Variants in H1-8 observed in about 807,000 individuals in gnomAD.
H1-8 encodes the protein H1.8 linker histone.
H1-8 carries 13 observed loss-of-function variants against 19.5 expected under a neutral mutation model. The ratio of observed to expected loss-of-function variants is 0.67; its 90% confidence interval spans 0.43 to 1.06. The LOEUF (loss-of-function observed/expected upper bound fraction) is 1.06. Among genes scored for constraint, H1-8 ranks in the 50% least tolerant of loss-of-function variants. The probability of loss-of-function intolerance (pLI) is 0.00; values close to 1 mark genes in which losing one functional copy is unlikely to be tolerated. For synonymous variants in H1-8, 193 were observed against 187.6 expected (o/e 1.03, Z -0.24); for missense variants, 432 against 459.8 (o/e 0.94, Z 0.55).
intron 1 of H1-8, among the ~76,000 whole-genome samples, chr3:129,546,346 T>C (rs943611103): frequency 1.3e-5 from 2 of 151,942 alleles, no homozygotes; most frequent in African/African-American, 4.8e-5. Context: ...CAAAAAACTT[T>C]CAAATGGATA....
chr3:129,549,724 C>T (rs192794958), intron 3 of H1-8, among the ~76,000 whole-genome samples: 444 of 152,016 alleles, frequency 2.9e-3, no homozygotes, highest in African/African-American at 0.01. Flanking sequence ...GAGGCCAAGG[C>T]GGGCGGATCC....
chr3:129,550,815 T>C lies in H1-8; in HGVS notation c.807+6T>C, dbSNP rs114766726. 4,453 of 1,611,550 alleles carry C rather than the reference T, an allele frequency of 2.8e-3. 92 individuals are homozygous for C. In the African/African-American group the frequency reaches 0.046, roughly 17 times the overall value. The stretch of plus-strand genomic sequence containing the variant: ...CAAAACCCACGGCCAGCAAGGTAGG[T>C]GCCTGCATGAATTTCCTGGCCTGGC... On this transcript the variant is annotated splice_donor_region_variant and intron_variant, in intron 4 of 4. Transcript: ENST00000324382.
At chr3:129,546,883 T>TA (rs2084892725) in intron 1 of H1-8, among the ~76,000 whole-genome samples, 1 of 152,214 alleles carries the variant, frequency 6.6e-6, no homozygotes, top group African/African-American at 2.4e-5. Context: ...ATTGTTTTTC[T>TA]AAAGGAATAC....
chr3:129,548,711 A>C (rs1285175525), intron 2 of H1-8, among the ~76,000 whole-genome samples: 2 of 147,398 alleles, frequency 1.4e-5, no homozygotes, highest in East Asian at 7.9e-4. Flanking sequence ...TGGTGGGGGC[A>C]TGGGGCATGA....
chr3:129,549,014 A>T lies in H1-8; in HGVS notation c.392A>T (p.His131Leu). The T allele has an allele frequency of 6.2e-7, 1 of 1,607,934 alleles. No homozygotes were observed. The highest frequency in any genetic ancestry group is 8.5e-7 in the Non-Finnish European group (1 of 1,177,614). ...GTCCTTCTCCAGTTAGTTCCCAAGCACAAGAAGAAAATCCAGCCCAGGAAG... is the reference window on the plus strand; with the variant it reads ...GTCCTTCTCCAGTTAGTTCCCAAGCTCAAGAAGAAAATCCAGCCCAGGAAG... ...ATGSFKLVPKHKKKIQPRKMA... is the reference protein window; with the variant it reads ...ATGSFKLVPKLKKKIQPRKMA... Residue 131 changes from histidine to leucine, a missense_variant, in exon 3 of 5, where the codon CAC becomes CTC. Coordinates refer to ENST00000324382, the MANE Select transcript of H1-8 (RefSeq NM_153833.3).
At chr3:129,543,353 C>A in intron 1 of H1-8, 47 bp downstream of exon 1, 1 of 1,413,850 alleles carries the variant, frequency 7.1e-7, no homozygotes, top group South Asian at 1.2e-5. Context: ...GAGCCCACTC[C>A]CTGGGTTGCC....
At position 129,543,183 on chromosome 3, in the gene H1-8, C is replaced by T. The variant is rs371303547; in HGVS notation, c.-36C>T. ...TGGGCAGGCCCAGCAGCCTCACACCCGGGTGAGGGGTCTGCTGGCTGCACC... is the reference window on the plus strand; with the variant it reads ...TGGGCAGGCCCAGCAGCCTCACACCTGGGTGAGGGGTCTGCTGGCTGCACC... On this transcript the variant is annotated 5_prime_UTR_variant, in exon 1 of 5. Coordinates refer to ENST00000324382, the MANE Select transcript of H1-8 (RefSeq NM_153833.3). The T allele has an allele frequency of 3.0e-5, 46 of 1,524,430 alleles. No homozygotes were observed. The highest frequency in any genetic ancestry group is 3.8e-5 in the Non-Finnish European group (42 of 1,107,698). 94.4% of individuals were successfully genotyped at this position (1,524,430 alleles called of 1,614,324 possible).
At chr3:129,550,839 GC>G in intron 4 of H1-8, 30 bp downstream of exon 4, 1 of 1,589,592 alleles carries the variant, frequency 6.3e-7, no homozygotes, top group Non-Finnish European at 8.6e-7. Context: ...TCCTGGCCTG[GC>G]TGCCTGCCCT....
At chr3:129,543,783 C>T (rs1220024979) in intron 1 of H1-8, among the ~76,000 whole-genome samples, 4 of 152,308 alleles carry the variant, frequency 2.6e-5, no homozygotes, top group East Asian at 3.9e-4. Flanking sequence ...GAGGACCTCC[C>T]GGTCTGATGG....
At chr3:129,549,499 G>A in intron 3 of H1-8, 135 bp downstream of exon 3, 1 of 1,055,338 alleles carries the variant, frequency 9.5e-7, no homozygotes, top group East Asian at 2.5e-5. Flanking sequence ...TTGACCTGGA[G>A]AGAGAGAACT....
chr3:129,543,614 G>T (rs1459686309), intron 1 of H1-8, among the ~76,000 whole-genome samples: 1 of 150,742 alleles, frequency 6.6e-6, no homozygotes, highest in Non-Finnish European at 1.5e-5. Flanking sequence ...TGGGACCGTA[G>T]CCCGTAGCCA....
At chr3:129,546,049 G>A (rs1468622998) in intron 1 of H1-8, among the ~76,000 whole-genome samples, 5 of 151,526 alleles carry the variant, frequency 3.3e-5, no homozygotes, top group Non-Finnish European at 4.4e-5. Context: ...GACTGAGGTG[G>A]GAAGATAGCT....
At position 129,543,213 on chromosome 3, in the gene H1-8, G is replaced by A. The variant is rs201478979; in HGVS notation, c.-6G>A. 155 of 1,611,092 alleles carry A rather than the reference G, an allele frequency of 9.6e-5. No individual in the cohort carries two copies. Among genetic ancestry groups the A allele is most frequent in the Non-Finnish European group, 1.2e-4 (141 of 1,178,492 alleles). On this transcript the variant is annotated 5_prime_UTR_variant, in exon 1 of 5. Coordinates refer to ENST00000324382, the MANE Select transcript of H1-8 (RefSeq NM_153833.3). ...GAGGGGTCTGCTGGCTGCACCTGTC[G>A]GTCTCATGGCTCCTGGGAGCGTCAC...
chr3:129,548,331 T>A, intron 2 of H1-8: 13 of 985,824 alleles, frequency 1.3e-5, no homozygotes, highest in Non-Finnish European at 1.6e-5. Context: ...TGGTGACAGA[T>A]CACAGAAAGT....
At chr3:129,546,989 G>A in intron 1 of H1-8, among the ~76,000 whole-genome samples, 1 of 152,208 alleles carries the variant, frequency 6.6e-6, no homozygotes, top group East Asian at 1.9e-4. Context: ...CATGAGGTCA[G>A]GAGTTCAAGA....
intron 4 of H1-8, 36 bp from the exon 5 acceptor site, chr3:129,551,071 C>T: frequency 6.3e-7 from 1 of 1,580,332 alleles, no homozygotes; most frequent in Non-Finnish European, 8.6e-7. Context: ...CAGCCCTTCC[C>T]AGCTGTCTCT....
rs1193936563 is a variant in H1-8 at position 129,547,592 on chromosome 3, TG to T, written c.291del (p.Lys98SerfsTer30). 1 of 1,557,918 alleles carries T rather than the reference TG, an allele frequency of 6.4e-7. No homozygotes were observed. The highest frequency in any genetic ancestry group is 2.4e-5 in the East Asian group (1 of 41,594). ...GACGTCCTCCGCTTCAAGTACCTGC[TG>T]AAGCAGGCGCTGGCCACTGGCATGC... ...TVDVLRFKYL[L>X]KQALATGMRR... On this transcript the variant is annotated frameshift_variant, in exon 2 of 5. Coordinates refer to ENST00000324382, the MANE Select transcript of H1-8 (RefSeq NM_153833.3). LOFTEE classifies it high-confidence loss of function.
chr3:129,549,328 A>G lies in H1-8; in HGVS notation c.706A>G (p.Arg236Gly). 1 of 1,605,418 alleles carries G rather than the reference A, an allele frequency of 6.2e-7. No homozygotes were observed. The change falls in exon 3 of 5, where the codon AGG becomes GGG. Residue 236 changes from arginine to glycine, a missense_variant. By Grantham distance (125) the Arg-to-Gly change is moderately radical. Coordinates refer to ENST00000324382, the MANE Select transcript of H1-8 (RefSeq NM_153833.3). ...RAPSSAGGLS[R>G]KAKAKGSRSS... ...ACCTTCCAGTGCTGGTGGGCTCAGC[A>G]GGAAGGCAAAGGCCAAAGGCAGCAG...
chr3:129,550,936 C>A, intron 4 of H1-8, 127 bp downstream of exon 4: 3 of 987,194 alleles, frequency 3.0e-6, no homozygotes, highest in Non-Finnish European at 4.6e-6. Context: ...CTACAAAGCA[C>A]AGTCCACCAC....
Sources: gnomAD v4.1 joint callset for allele counts (sites outside exome capture counted in the v4.1 genomes callset) on GRCh38, gnomAD v4.1.1 for gene constraint, MANE v1.5 for transcripts, NCBI Gene and HGNC (gene_info 2026-07-23, HGNC 2026-07-21) for gene names.